Variants in PKP2 observed in about 807,000 individuals in gnomAD.
PKP2 encodes plakophilin 2, also known as plakophilin-2.
Under a neutral mutation model 83.4 loss-of-function variants are expected in PKP2, and 73 were observed. The ratio of observed to expected loss-of-function variants is 0.88; its 90% CI spans 0.72 to 1.06. PKP2 has a LOEUF of 1.06. PKP2 is among the 50% of genes least tolerant of loss of function. The pLI is 0.00. For synonymous variants in PKP2, 409 were observed against 430.4 expected, an observed-to-expected ratio of 0.95 and a Z score of 0.62; for missense variants, 966 against 1,065.4, an observed-to-expected ratio of 0.91 and a Z score of 1.30.
Position 32,822,512 on chromosome 12 carries a change from G to T in PKP2, c.1794C>A (p.Asn598Lys), listed in dbSNP as rs727503370. The T allele has an allele frequency of 2.5e-6, 4 of 1,613,826 alleles. No homozygotes were observed. The highest frequency in any genetic ancestry group is 4.5e-5 in the East Asian group (2 of 44,892). The change falls in exon 8 of 13, where the codon AAC becomes AAA. Residue 598 changes from asparagine to lysine, a missense_variant. By Grantham distance (94) the Asn-to-Lys change is moderately conservative. Coordinates refer to ENST00000340811, the MANE Select transcript of PKP2 (RefSeq NM_001005242.3). Reference sequence around the variant, plus strand: ...GACTGCCAAAACATCCAATACTTTTGTTGTTGTCAGTCTGGATATTCCGGT... The same window carrying T: ...GACTGCCAAAACATCCAATACTTTTTTTGTTGTCAGTCTGGATATTCCGGT... ...IQNRNIQTDN[N>K]KSIGCFGSRS...
intron 1 of PKP2, among the ~76,000 whole-genome samples, chr12:32,885,786 T>C (rs563653683): frequency 4.1e-4 from 62 of 152,214 alleles, no homozygotes; most frequent in Non-Finnish European, 7.1e-4. Context: ...TGTGGTTCCA[T>C]TACCTGTTTC....
At chr12:32,873,313 G>T (rs1335271015) in intron 3 of PKP2, among the ~76,000 whole-genome samples, 2 of 152,006 alleles carry the variant, frequency 1.3e-5, no homozygotes, top group African/African-American at 4.8e-5. Flanking sequence ...GCCCAGGCTG[G>T]TTTCAAATTC....
chr12:32,824,016 CA>C, intron 7 of PKP2, 28 bp downstream of exon 7: 1 of 1,321,204 alleles, frequency 7.6e-7, no homozygotes, highest in South Asian at 1.2e-5. Context: ...CTTAGTAAGA[CA>C]AAACAGGATA....
At chr12:32,822,660 G>A (rs752762109) in intron 7 of PKP2, 29 bp from the exon 8 acceptor site, 43 of 1,608,332 alleles carry the variant, frequency 2.7e-5, no homozygotes, top group Admixed American at 1.7e-4. Context: ...AATATTGATC[G>A]TATACATATA....
At chr12:32,849,623 T>C (rs537590125) in intron 5 of PKP2, among the ~76,000 whole-genome samples, 4 of 152,348 alleles carry the variant, frequency 2.6e-5, no homozygotes, top group African/African-American at 9.6e-5. Flanking sequence ...TCTTCTCTTT[T>C]ATCATACGAC....
chr12:32,822,626 C>T lies in PKP2; in HGVS notation c.1680G>A (p.Thr560=), dbSNP rs773662874. 37 of 1,613,926 alleles carry T rather than the reference C, an allele frequency of 2.3e-5. No individual in the cohort carries two copies. The highest frequency in any genetic ancestry group is 4.4e-5 in the South Asian group (4 of 91,084). The change falls in exon 8 of 13, where the codon ACG becomes ACA. Residue 560 remains threonine, a synonymous_variant. Coordinates refer to ENST00000340811, the MANE Select transcript of PKP2 (RefSeq NM_001005242.3). Reference sequence around the variant, plus strand: ...TATGAAGAATGCACACACAATTCTCCGTGGCCTGAGAAAACAGGACAAGAA... The same window carrying T: ...TATGAAGAATGCACACACAATTCTCTGTGGCCTGAGAAAACAGGACAAGAA... The part of the protein sequence containing the change: ...IADYQPDDKA[T]ENCVCILHNL...
At chr12:32,862,477 T>C (rs1351908649) in intron 4 of PKP2, among the ~76,000 whole-genome samples, 1 of 151,616 alleles carries the variant, frequency 6.6e-6, no homozygotes, top group East Asian at 2.0e-4. Flanking sequence ...AGAAACCCCA[T>C]CTCTACTAAA....
intron 6 of PKP2, among the ~76,000 whole-genome samples, chr12:32,829,438 A>G (rs571515880): frequency 1.3e-5 from 2 of 151,260 alleles, no homozygotes; most frequent in Admixed American, 6.6e-5. Context: ...TTTTGTAGAG[A>G]CAGGGTCTCA....
At chr12:32,805,901 T>A (rs1956221111) in intron 9 of PKP2, among the ~76,000 whole-genome samples, 1 of 152,056 alleles carries the variant, frequency 6.6e-6, no homozygotes, top group Admixed American at 6.6e-5. Context: ...TGGGCAGTAG[T>A]TTATTGAGAG....
chr12:32,878,327 G>A lies in PKP2; in HGVS notation c.553C>T (p.Arg185Trp), dbSNP rs571569344. ...CTCGGTGGCACTAGGAGGGCGGCCCGCCTGCTTTCTTGGTGGTGCAGGGTG... is the reference window on the plus strand; with the variant it reads ...CTCGGTGGCACTAGGAGGGCGGCCCACCTGCTTTCTTGGTGGTGCAGGGTG... ...GHTLHHQESR[R>W]AALLVPPRYA... Residue 185 changes from arginine (R) to tryptophan (W), a missense_variant, in exon 3 of 13, where the codon CGG becomes TGG. Physicochemically the swap from Arg to Trp is moderately radical, Grantham distance 101 (BLOSUM62 -3). Transcript: ENST00000340811. 16 of 1,612,500 alleles carry A rather than the reference G, an allele frequency of 9.9e-6. No homozygotes were observed. Among genetic ancestry groups the A allele is most frequent in the Admixed American group, 1.7e-5 (1 of 59,990 alleles).
chr12:32,841,988 T>C (rs1047032340), intron 5 of PKP2, among the ~76,000 whole-genome samples: 1 of 152,160 alleles, frequency 6.6e-6, no homozygotes, highest in African/African-American at 2.4e-5. Flanking sequence ...TCCCCCATAT[T>C]AAAGAGAAAG....
chr12:32,836,952 T>G (rs915058672), intron 6 of PKP2, among the ~76,000 whole-genome samples: 3 of 152,196 alleles, frequency 2.0e-5, no homozygotes, highest in African/African-American at 4.8e-5. Flanking sequence ...TTTCTATTCA[T>G]TGTGACAACA....
At chr12:32,888,017 A>C (rs1957045172) in intron 1 of PKP2, among the ~76,000 whole-genome samples, 1 of 151,864 alleles carries the variant, frequency 6.6e-6, no homozygotes, top group South Asian at 2.1e-4. Flanking sequence ...CCATCTGTAC[A>C]AAAAAAATAC....
intron 9 of PKP2, among the ~76,000 whole-genome samples, chr12:32,804,813 A>G (rs1255799431): frequency 6.6e-6 from 1 of 152,238 alleles, no homozygotes; most frequent in African/African-American, 2.4e-5. Context: ...TTGGGTATAT[A>G]CCCAATAATG....
rs794729101 is a variant in PKP2 at position 32,792,500 on chromosome 12, A to C, written c.2446-8T>G. The C allele has an allele frequency of 5.6e-6, 9 of 1,612,716 alleles. No homozygotes were observed. Among genetic ancestry groups the C allele is most frequent in the Non-Finnish European group, 6.8e-6 (8 of 1,178,698 alleles). ...TGTCTTCTTAAACTGAGCCTTTGGA[A>C]TAAGCAAACAGAAACGTGAAAGGTA... On this transcript the variant is annotated splice_region_variant and splice_polypyrimidine_tract_variant and intron_variant, in intron 12 of 12. Transcript: ENST00000340811.
At chr12:32,894,570 A>C (rs1221981110) in intron 1 of PKP2, 1 of 152,236 alleles carries the variant, frequency 6.6e-6, no homozygotes, top group African/African-American at 2.4e-5. Context: ...CAAGAATATA[A>C]TGAAGATTCT....
chr12:32,820,400 A>G (rs1310159991), intron 9 of PKP2: 1 of 152,230 alleles, frequency 6.6e-6, no homozygotes, highest in East Asian at 1.9e-4. Flanking sequence ...ACCTTAATAT[A>G]TAGGAAGGGT....
chr12:32,844,696 T>G (rs888050180), intron 5 of PKP2, among the ~76,000 whole-genome samples: 1 of 152,178 alleles, frequency 6.6e-6, no homozygotes, highest in African/African-American at 2.4e-5. Context: ...AGCTTATCTC[T>G]TATCAGAAAG....
At chr12:32,832,964 G>A (rs1956513144) in intron 6 of PKP2, among the ~76,000 whole-genome samples, 1 of 152,206 alleles carries the variant, frequency 6.6e-6, no homozygotes, top group Non-Finnish European at 1.5e-5. Flanking sequence ...AATGCATACA[G>A]GCCAGGCACG....
Sources: allele counts gnomAD v4.1 joint callset (sites outside exome capture counted in the v4.1 genomes callset), GRCh38; gene constraint gnomAD v4.1.1; transcripts MANE v1.5; gene names NCBI Gene and HGNC (gene_info 2026-07-23, HGNC 2026-07-21).